APBA2: variants seen among roughly 807,000 people sequenced by gnomAD.
APBA2 encodes amyloid-beta A4 precursor protein-binding family A member 2.
In APBA2, 30 loss-of-function variants were observed where a neutral mutation model predicts 75.0. The observed-to-expected ratio is 0.40, with a 90% CI of 0.30 to 0.54. The LOEUF (loss-of-function observed/expected upper bound fraction) is 0.54. Ranked by LOEUF, APBA2 falls within the 20% of genes least tolerant of loss-of-function variation. The pLI is 0.49. For missense variants in APBA2, 801 were observed against 1,016.1 expected (o/e 0.79, Z 2.88); for synonymous variants, 444 against 409.6 (o/e 1.08, Z -1.01).
At chr15:28,996,188 A>G (rs1046284029) in intron 3 of APBA2, among the ~76,000 whole-genome samples, 4 of 152,194 alleles carry the variant, frequency 2.6e-5, no homozygotes, top group African/African-American at 9.7e-5. Context: ...TCCTAGTTAC[A>G]GCGAAAGTAG....
chr15:28,908,620 T>C (rs1031598244), intron 1 of APBA2, among the ~76,000 whole-genome samples: 1 of 152,138 alleles, frequency 6.6e-6, no homozygotes, highest in African/African-American at 2.4e-5. Flanking sequence ...ACTGAGGTTA[T>C]TGTTGATTTT....
Position 29,086,482 on chromosome 15 carries a change from C to T in APBA2, c.1070-6593C>T, listed in dbSNP as rs936897376. Reference sequence around the variant, plus strand: ...AATAACGTCATGATTCCTAATGATACTTTGTCAGGTTTATAGGTTCTAACA... The same window carrying T: ...AATAACGTCATGATTCCTAATGATATTTTGTCAGGTTTATAGGTTCTAACA... On this transcript the variant is annotated intron_variant, in intron 6 of 14. Transcript: ENST00000683413. 8.5e-5 allele frequency among the ~76,000 whole-genome samples: 13 copies of T among 152,336 alleles called. No individual in the cohort carries two copies. In the East Asian group the frequency reaches 2.5e-3, roughly 29 times the overall value.
intron 6 of APBA2, among the ~76,000 whole-genome samples, chr15:29,084,187 T>C (rs1031455948): frequency 6.6e-5 from 10 of 152,232 alleles, no homozygotes; most frequent in Middle Eastern, 3.2e-3. Flanking sequence ...TTTAGTTGTT[T>C]TCTTGAGTTT....
At chr15:28,975,359 C>T (rs1166697591) in intron 2 of APBA2, among the ~76,000 whole-genome samples, 1 of 152,124 alleles carries the variant, frequency 6.6e-6, no homozygotes, top group African/African-American at 2.4e-5. Flanking sequence ...AACCACACAC[C>T]AATCTCACTT....
At position 29,053,947 on chromosome 15, in the gene APBA2, T is replaced by G; in HGVS notation, c.63T>G (p.Gly21=). 2 of 1,613,792 alleles carry G rather than the reference T, an allele frequency of 1.2e-6. No homozygotes were observed. Among genetic ancestry groups the G allele is most frequent in the South Asian group, 2.2e-5 (2 of 91,058 alleles). Residue 21 remains glycine (G), a synonymous_variant, in exon 4 of 15, where the codon GGT becomes GGG. Coordinates refer to ENST00000683413, the MANE Select transcript of APBA2 (RefSeq NM_001353788.2). The part of the protein sequence containing the change: ...SGMLDHRVRP[G]PVPHSQEPES... The stretch of plus-strand genomic sequence containing the variant: ...TGTTGGACCATAGGGTGAGACCAGG[T>G]CCTGTCCCTCACAGCCAGGAGCCCG...
chr15:28,923,683 A>G (rs909425691), intron 2 of APBA2, among the ~76,000 whole-genome samples: 1 of 152,152 alleles, frequency 6.6e-6, no homozygotes, highest in Admixed American at 6.5e-5. Flanking sequence ...TTGCCAGGGC[A>G]TCCCTGCTCA....
intron 3 of APBA2, among the ~76,000 whole-genome samples, chr15:29,008,859 C>G (rs1481853584): frequency 6.6e-6 from 1 of 152,240 alleles, no homozygotes. Context: ...TCCCTCACCT[C>G]TCCTGTTCTC....
intron 2 of APBA2, among the ~76,000 whole-genome samples, chr15:28,945,535 T>C (rs1473932799): frequency 1.3e-5 from 2 of 151,866 alleles, no homozygotes; most frequent in African/African-American, 4.8e-5. Context: ...TTTTTTTTTT[T>C]TTGAGATGGA....
At position 29,022,091 on chromosome 15, in the gene APBA2, G is replaced by A. The variant is rs116218085; in HGVS notation, c.-41+26285G>A. Reference sequence around the variant, plus strand: ...TATCTTGGGTATTGTGAATAATGCCGCAGTGAGCGTGGGAGTGCAGACTTC... The same window carrying A: ...TATCTTGGGTATTGTGAATAATGCCACAGTGAGCGTGGGAGTGCAGACTTC... On this transcript the variant is annotated intron_variant, in intron 3 of 14. Coordinates refer to ENST00000683413, the MANE Select transcript of APBA2 (RefSeq NM_001353788.2). 5.6e-3 allele frequency among the ~76,000 whole-genome samples: 859 copies of A among 152,248 alleles called. 8 individuals carry two copies. The highest frequency in any genetic ancestry group is 0.019 in the African/African-American group (805 of 41,528).
intron 13 of APBA2, among the ~76,000 whole-genome samples, chr15:29,111,694 C>G (rs1041886418): frequency 6.6e-6 from 1 of 152,042 alleles, no homozygotes; most frequent in Non-Finnish European, 1.5e-5. Flanking sequence ...TCTGGCTGTC[C>G]CCATTTGGCC....
chr15:28,942,875 C>T (rs1252131282), intron 2 of APBA2, among the ~76,000 whole-genome samples: 3 of 152,164 alleles, frequency 2.0e-5, no homozygotes, highest in Admixed American at 6.5e-5. Context: ...GCGTTGTCCC[C>T]GAGGCCCGTG....
In APBA2 at chr15:29,098,244, C is replaced by CTGCACTG. The variant is rs2043946032; in HGVS notation, c.1252-245_1252-239dup. Among the ~76,000 whole-genome samples the CTGCACTG allele has an allele frequency of 3.3e-5, 5 of 152,284 alleles. No homozygotes were observed. The South Asian group carries it at 1.0e-3, about 32-fold the overall frequency. ...ACCGCCATTCTATTCTCCACAGTGGCTGCACTGATTCACACCCTCCCACAG... is the reference window on the plus strand; with the variant it reads ...ACCGCCATTCTATTCTCCACAGTGGCTGCACTGTGCACTGATTCACACCCTCCCACAG... On this transcript the variant is annotated intron_variant, in intron 8 of 14. Transcript: ENST00000683413.
chr15:29,022,187 T>C (rs2152831446), intron 3 of APBA2, among the ~76,000 whole-genome samples: 1 of 152,310 alleles, frequency 6.6e-6, no homozygotes, highest in South Asian at 2.1e-4. Flanking sequence ...ATTCGGAAGT[T>C]CTATTTTTAA....
intron 11 of APBA2, among the ~76,000 whole-genome samples, chr15:29,106,204 A>G (rs1456043902): frequency 6.6e-6 from 1 of 152,124 alleles, no homozygotes; most frequent in Non-Finnish European, 1.5e-5. Context: ...CGGGGGCAGG[A>G]TATGGGTATG....
chr15:28,937,630 G>A (rs2034952168), intron 2 of APBA2, among the ~76,000 whole-genome samples: 1 of 152,114 alleles, frequency 6.6e-6, no homozygotes, highest in African/African-American at 2.4e-5. Context: ...ACTGAGGATG[G>A]AGGGTGTTGG....
At position 29,106,588 on chromosome 15, in the gene APBA2, A is replaced by G. The variant is rs2152971729; in HGVS notation, c.1705-19A>G. The G allele has an allele frequency of 6.2e-7, 1 of 1,612,930 alleles. No individual in the cohort carries two copies. The highest frequency in any genetic ancestry group is 8.5e-7 in the Non-Finnish European group (1 of 1,179,906). ...GGTCCTTGCCGCCAGCCCCTCTCAC[A>G]CTGCTGATCCCTTTGCAGCTGCAGC... is the stretch of plus-strand genomic sequence containing the variant. On this transcript the variant is annotated intron_variant, in intron 11 of 14. Transcript: ENST00000683413.
intron 10 of APBA2, among the ~76,000 whole-genome samples, chr15:29,103,536 G>A (rs1055954864): frequency 6.6e-6 from 1 of 152,258 alleles, no homozygotes; most frequent in East Asian, 1.9e-4. Flanking sequence ...GGTACCCGGC[G>A]TGGAGTGACG....
intron 3 of APBA2, among the ~76,000 whole-genome samples, chr15:28,996,597 G>A (rs2038537849): frequency 2.0e-5 from 3 of 152,200 alleles, no homozygotes; most frequent in Non-Finnish European, 2.9e-5. Context: ...GCTTTGTAGG[G>A]AAACTGGTGT....
intron 2 of APBA2, among the ~76,000 whole-genome samples, chr15:28,993,201 G>A (rs1212718816): frequency 6.6e-6 from 1 of 152,160 alleles, no homozygotes; most frequent in African/African-American, 2.4e-5. Context: ...CTGCCCCCAG[G>A]GACTTCCCGG....
Sources: allele counts gnomAD v4.1 joint callset (sites outside exome capture counted in the v4.1 genomes callset), GRCh38; gene constraint gnomAD v4.1.1; transcripts MANE v1.5; gene names NCBI Gene and HGNC (gene_info 2026-07-23, HGNC 2026-07-21).